Variants in PCBP4 observed in about 807,000 individuals in gnomAD.
The protein encoded by PCBP4 is poly(rC) binding protein 4, also known as poly(rC)-binding protein 4.
PCBP4 carries 24 observed loss-of-function variants against 46.2 expected under a neutral mutation model. The observed-to-expected ratio is 0.52, with a 90% CI of 0.38 to 0.73. PCBP4 has a LOEUF of 0.73. Among genes scored for constraint, PCBP4 ranks in the 30% least tolerant of loss-of-function variants. The probability of loss-of-function intolerance (pLI) is 0.00; values close to 1 mark genes in which losing one functional copy is unlikely to be tolerated. For synonymous variants in PCBP4, 203 were observed against 224.4 expected (o/e 0.90, Z 0.85); for missense variants, 407 against 537.0 (o/e 0.76, Z 2.39).
chr3:51,959,489 G>A lies in PCBP4; in HGVS notation c.592-78C>T. On this transcript the variant is annotated intron_variant, in intron 9 of 13. Transcript: ENST00000461554. The surrounding 1 kb of genome is among the most constrained non-coding windows in gnomAD (Gnocchi z 5.6). The stretch of plus-strand genomic sequence containing the variant: ...CAGAGTCACTCCTTCCCCCGTCCCT[G>A]GACCTCCAATTCCTTCTTCCATCCC... The A allele has an allele frequency of 2.0e-6, 3 of 1,527,376 alleles. No homozygotes were observed. Among genetic ancestry groups the A allele is most frequent in the South Asian group, 2.5e-5 (2 of 81,564 alleles). 94.6% of individuals were successfully genotyped at this position (1,527,376 alleles called of 1,614,324 possible).
At position 51,960,798 on chromosome 3, in the gene PCBP4, G is replaced by T; in HGVS notation, c.138+68C>A. 9 of 1,570,998 alleles carry T rather than the reference G, an allele frequency of 5.7e-6. No individual in the cohort carries two copies. Among genetic ancestry groups the T allele is most frequent in the Non-Finnish European group, 7.0e-6 (8 of 1,140,796 alleles). On this transcript the variant is annotated intron_variant, in intron 5 of 13. Coordinates refer to ENST00000461554, the MANE Select transcript of PCBP4 (RefSeq NM_001174100.2). This position sits in a 1 kb window ranked among gnomAD's most constrained non-coding sequence, Gnocchi z 5.0. ...CAGCCCAGAAGGAGTGGTTCAGAGA[G>T]AAAGTGGGGCAGGGATCTCCCCTCC...
At chr3:51,965,760 G>T (rs1700390355) in intron 1 of PCBP4, among the ~76,000 whole-genome samples, 2 of 152,162 alleles carry the variant, frequency 1.3e-5, no homozygotes, top group Non-Finnish European at 1.5e-5. Context: ...CAGGATTCCT[G>T]GTTCCTTTCT....
In PCBP4 at chr3:51,960,103, T is replaced by A. The variant is rs1559758994; in HGVS notation, c.388-80A>T. 6.2e-7 allele frequency: 1 copy of A among 1,613,894 alleles called. No individual in the cohort carries two copies. The highest frequency in any genetic ancestry group is 8.5e-7 in the Non-Finnish European group (1 of 1,179,778). On this transcript the variant is annotated intron_variant, in intron 7 of 13. Transcript: ENST00000461554. The surrounding 1 kb of genome is among the most constrained non-coding windows in gnomAD (Gnocchi z 5.0). ...CTGCCCAGGCTCAGAGCTCTCTAGG[T>A]GGGGAGGACGCCATAAGCCCAACAC... is the stretch of plus-strand genomic sequence containing the variant.
Position 51,959,618 on chromosome 3 carries a change from G to A in PCBP4, c.550C>T (p.Pro184Ser). Residue 184 changes from proline to serine, a missense_variant, in exon 9 of 14, where the codon CCG (proline) becomes TCG (serine). Transcript: ENST00000461554. This position sits in a 1 kb window ranked among gnomAD's most constrained non-coding sequence, Gnocchi z 5.6. The part of the protein sequence containing the change: ...PPKGATIPYH[P>S]SLSLGTVLLS... Reference sequence around the variant, plus strand: ...AGAACAGTACCTAGGGAGAGGCTCGGATGGTAGGGGATAGTGGCTCCTTTG... The same window carrying A: ...AGAACAGTACCTAGGGAGAGGCTCGAATGGTAGGGGATAGTGGCTCCTTTG... 1 of 1,552,090 alleles carries A rather than the reference G, an allele frequency of 6.4e-7. No homozygotes were observed. Among genetic ancestry groups the A allele is most frequent in the Non-Finnish European group, 8.7e-7 (1 of 1,147,170 alleles).
chr3:51,958,996 C>CA lies in PCBP4; in HGVS notation c.754-38dup. The CA allele has an allele frequency of 3.1e-6, 5 of 1,613,182 alleles. No individual in the cohort carries two copies. Among genetic ancestry groups the CA allele is most frequent in the Non-Finnish European group, 4.2e-6 (5 of 1,179,400 alleles). On this transcript the variant is annotated intron_variant, in intron 12 of 13. Transcript: ENST00000461554. This position sits in a 1 kb window ranked among gnomAD's most constrained non-coding sequence, Gnocchi z 5.4. ...GCAGAATTCAGCCCTGGGTGAGGTC[C>CA]AGACCCCCAGACCCCCTACCCACCC...
At chr3:51,961,484 C>T in intron 2 of PCBP4, 180 bp from the exon 3 acceptor site, 2 of 728,064 alleles carry the variant, frequency 2.7e-6, no homozygotes, top group Non-Finnish European at 2.1e-6. Context: ...CTGTGTAAGC[C>T]TGGGGAGCCC....
chr3:51,963,132 A>G (rs1242479427), intron 1 of PCBP4: 1 of 152,272 alleles, frequency 6.6e-6, no homozygotes, highest in Non-Finnish European at 1.5e-5. Context: ...AGGCCAGAGA[A>G]GGTGCTCAGA....
In PCBP4 at chr3:51,960,667, GCAGCGGGGCATC is replaced by G; in HGVS notation, c.139-37_139-26del. 6.3e-7 allele frequency: 1 copy of G among 1,575,746 alleles called. No homozygotes were observed. Among genetic ancestry groups the G allele is most frequent in the Non-Finnish European group, 8.7e-7 (1 of 1,145,056 alleles). On this transcript the variant is annotated intron_variant, in intron 5 of 13. Transcript: ENST00000461554. This position sits in a 1 kb window ranked among gnomAD's most constrained non-coding sequence, Gnocchi z 5.0. ...TCTGCAGATATAGAATGAGCGCCGGGCAGCGGGGCATCTTCCCTGCTCCCTTGCCGGAACTTG... is the reference window on the plus strand; with the variant it reads ...TCTGCAGATATAGAATGAGCGCCGGGTTCCCTGCTCCCTTGCCGGAACTTG...
Position 51,960,774 on chromosome 3 carries a change from A to G in PCBP4, c.138+92T>C. On this transcript the variant is annotated intron_variant, in intron 5 of 13. Transcript: ENST00000461554. This position sits in a 1 kb window ranked among gnomAD's most constrained non-coding sequence, Gnocchi z 5.0. ...CCACCCTCTGGGGGACTCACTGGTC[A>G]GCCCAGAAGGAGTGGTTCAGAGAGA... is the stretch of plus-strand genomic sequence containing the variant. 6.6e-7 allele frequency: 1 copy of G among 1,511,630 alleles called. No homozygotes were observed. Among genetic ancestry groups the G allele is most frequent in the Non-Finnish European group, 9.2e-7 (1 of 1,086,984 alleles). The allele number at this position is 1,511,630 out of a possible 1,614,324, so 93.6% of individuals were successfully genotyped here.
rs760062452 is a variant in PCBP4, at chr3:51,960,666, G to A, written c.139-24C>T. 2 of 1,576,370 alleles carry A rather than the reference G, an allele frequency of 1.3e-6. No individual in the cohort carries two copies. Among genetic ancestry groups the A allele is most frequent in the Non-Finnish European group, 1.7e-6 (2 of 1,145,670 alleles). ...CTCTGCAGATATAGAATGAGCGCCG[G>A]GCAGCGGGGCATCTTCCCTGCTCCC... On this transcript the variant is annotated intron_variant, in intron 5 of 13. Coordinates refer to ENST00000461554, the MANE Select transcript of PCBP4 (RefSeq NM_001174100.2). The surrounding 1 kb of genome is among the most constrained non-coding windows in gnomAD (Gnocchi z 5.0).
intron 2 of PCBP4, 72 bp from the exon 3 acceptor site, chr3:51,961,376 C>A (rs1700170572): frequency 6.9e-7 from 1 of 1,442,500 alleles, no homozygotes; most frequent in Non-Finnish European, 9.1e-7. Flanking sequence ...CATGGGGACC[C>A]CAGAGCTGGG....
At position 51,958,348 on chromosome 3, in the gene PCBP4, G is replaced by C; in HGVS notation, c.925C>G (p.Leu309Val). 1 of 1,495,624 alleles carries C rather than the reference G, an allele frequency of 6.7e-7. No individual in the cohort carries two copies. The highest frequency in any genetic ancestry group is 8.9e-7 in the Non-Finnish European group (1 of 1,123,880). The allele number at this position is 1,495,624 out of a possible 1,614,324, so 92.6% of individuals were successfully genotyped here. Residue 309 changes from leucine to valine, a missense_variant and splice_region_variant, in exon 14 of 14, where the codon CTA becomes GTA. Coordinates refer to ENST00000461554, the MANE Select transcript of PCBP4 (RefSeq NM_001174100.2). This position sits in a 1 kb window ranked among gnomAD's most constrained non-coding sequence, Gnocchi z 5.4. ...ALAQYLITAC[L>V]ETAKSTSGGT... ...CCAGAGGTAGACTTGGCCGTCTCTA[G>C]ACTGGAGAGAGGGATATAGAGGGGA...
rs753730306 is a variant in PCBP4, at chr3:51,959,958, C to T, written c.453G>A (p.Thr151=). The part of the protein sequence containing the change: ...LLPNSTERAV[T]VSGVPDAIIL... ...TGATGGCATCAGGCACCCCAGATAC[C>T]GTAACAGCTCGCTCTGTGGAGTTGG... The change falls in exon 8 of 14, where the codon ACG becomes ACA. Residue 151 remains threonine, a synonymous_variant. Transcript: ENST00000461554. The surrounding 1 kb of genome is among the most constrained non-coding windows in gnomAD (Gnocchi z 5.6). The T allele has an allele frequency of 1.4e-5, 23 of 1,612,996 alleles. No homozygotes were observed. The highest frequency in any genetic ancestry group is 1.0e-4 in the Admixed American group (6 of 59,942).
At position 51,958,249 on chromosome 3, in the gene PCBP4, G is replaced by A; in HGVS notation, c.1024C>T (p.Pro342Ser). ...TAGGGTGTGCCCAGCAGGCCAGGGG[G>A]AGCTGTGGGCAGGGCCGTCAGGGGT... ...SPPLTALPTAPPGLLGTPYAI... is the reference protein window; with the variant it reads ...SPPLTALPTASPGLLGTPYAI... Residue 342 changes from proline to serine, a missense_variant, in exon 14 of 14, where the codon CCC (proline) becomes TCC (serine). Pro to Ser is a moderately conservative substitution (Grantham distance 74). Coordinates refer to ENST00000461554, the MANE Select transcript of PCBP4 (RefSeq NM_001174100.2). This position sits in a 1 kb window ranked among gnomAD's most constrained non-coding sequence, Gnocchi z 5.4. The A allele has an allele frequency of 1.9e-6, 3 of 1,602,196 alleles. No individual in the cohort carries two copies. Among genetic ancestry groups the A allele is most frequent in the Non-Finnish European group, 2.6e-6 (3 of 1,174,888 alleles).
chr3:51,958,406 AAT>A lies in PCBP4; in HGVS notation c.924-59_924-58del. 1 of 1,228,170 alleles carries A rather than the reference AAT, an allele frequency of 8.1e-7. No individual in the cohort carries two copies. Among genetic ancestry groups the A allele is most frequent in the African/African-American group, 1.5e-5 (1 of 65,438 alleles). The allele number at this position is 1,228,170 out of a possible 1,614,324, so 76.1% of individuals were successfully genotyped here. On this transcript the variant is annotated intron_variant, in intron 13 of 13. Transcript: ENST00000461554. This position sits in a 1 kb window ranked among gnomAD's most constrained non-coding sequence, Gnocchi z 5.4. Reference sequence around the variant, plus strand: ...GGGAAAGTGGGAGTGAGAGAGGGGCAATGAGGGCAGAGATGGGCATGAGATTA... The same window carrying A: ...GGGAAAGTGGGAGTGAGAGAGGGGCAGAGGGCAGAGATGGGCATGAGATTA...
chr3:51,960,226 A>G lies in PCBP4; in HGVS notation c.350T>C (p.Ile117Thr). The change falls in exon 7 of 14, where the codon ATT becomes ACT. Residue 117 changes from isoleucine to threonine, a missense_variant. Transcript: ENST00000461554. This position sits in a 1 kb window ranked among gnomAD's most constrained non-coding sequence, Gnocchi z 5.0. ...CTTGATCTTGGTGCCAGCCTTCCCA[A>G]TCAGTGAGCCACACTGACTGGCAGG... ...VIPASQCGSL[I>T]GKAGTKIKEI... 6.2e-7 allele frequency: 1 copy of G among 1,613,948 alleles called. No homozygotes were observed. Among genetic ancestry groups the G allele is most frequent in the Non-Finnish European group, 8.5e-7 (1 of 1,179,978 alleles).
chr3:51,963,329 G>A (rs927531868), intron 1 of PCBP4: 1 of 152,258 alleles, frequency 6.6e-6, no homozygotes, highest in African/African-American at 2.4e-5. Flanking sequence ...CCCCTTTCAG[G>A]CTGCTCCTGT....
Position 51,960,066 on chromosome 3 carries a change from C to A in PCBP4, c.388-43G>T. On this transcript the variant is annotated intron_variant, in intron 7 of 13. Transcript: ENST00000461554. This position sits in a 1 kb window ranked among gnomAD's most constrained non-coding sequence, Gnocchi z 5.0. ...GGGCCACTTCTGGCTGCTCCCATAA[C>A]CCAGAAAAGGGCTGCCCAGGCTCAG... is the stretch of plus-strand genomic sequence containing the variant. 6.2e-7 allele frequency: 1 copy of A among 1,614,222 alleles called. No individual in the cohort carries two copies. The highest frequency in any genetic ancestry group is 8.5e-7 in the Non-Finnish European group (1 of 1,180,034).
rs1032993663 is a variant in PCBP4, at chr3:51,957,849, G to T, written c.*212C>A. 1 of 446,182 alleles carries T rather than the reference G, an allele frequency of 2.2e-6. No individual in the cohort carries two copies. Among genetic ancestry groups the T allele is most frequent in the Non-Finnish European group, 4.0e-6 (1 of 252,822 alleles). The allele number at this position is 446,182 out of a possible 1,614,324, so 27.6% of individuals were successfully genotyped here. ...CTGAGGAGGTAGGGCCCCCTGCCCT[G>T]GGGCTGCCGCAGCTCAGACCCCTGG... On this transcript the variant is annotated 3_prime_UTR_variant, in exon 14 of 14. Transcript: ENST00000461554.
Sources: allele counts gnomAD v4.1 joint callset (sites outside exome capture counted in the v4.1 genomes callset), GRCh38; gene constraint gnomAD v4.1.1; non-coding constraint Gnocchi (gnomAD v3.1); transcripts MANE v1.5; gene names NCBI Gene and HGNC (gene_info 2026-07-23, HGNC 2026-07-21).